Variants in FGF14 observed in about 807,000 individuals in gnomAD.
FGF14 encodes fibroblast growth factor 14.
Under a neutral mutation model 25.5 loss-of-function variants are expected in FGF14, and 5 were observed. The ratio of observed to expected loss-of-function variants is 0.20; its 90% CI spans 0.10 to 0.41. FGF14 has a LOEUF of 0.41. FGF14 is among the 10% of genes least tolerant of loss of function. The pLI is 1.00. For missense variants in FGF14, 222 were observed against 320.1 expected, an observed-to-expected ratio of 0.69 and a Z score of 2.34; for synonymous variants, 138 against 118.3, an observed-to-expected ratio of 1.17 and a Z score of -1.08.
chr13:101,918,919 T>C (rs34363841), upstream of FGF14, among the ~76,000 whole-genome samples: 1 of 151,238 alleles, frequency 6.6e-6, no homozygotes, highest in East Asian at 1.9e-4. Context: ...ATGCTAGAGT[T>C]GTTTTGCTAG....
chr13:101,788,893 TATATATATATATATATAGAGAGAGAGAG>T (rs1234529683), intron 3 of FGF14, among the ~76,000 whole-genome samples: 1 of 48,152 alleles, frequency 2.1e-5, no homozygotes, highest in African/African-American at 6.1e-5. Context: ...TATATATATA[TATATATATATATATATAGAGAGAGAGAG>T]AGAGAGAGAG....
intron 1 of FGF14, among the ~76,000 whole-genome samples, chr13:102,169,655 T>G (rs1377661661): frequency 6.6e-6 from 1 of 152,082 alleles, no homozygotes; most frequent in Non-Finnish European, 1.5e-5. Context: ...GTTAAAGAAG[T>G]GGGGTTTTTT....
At chr13:102,036,876 T>C (rs750046687) in intron 1 of FGF14, among the ~76,000 whole-genome samples, 14 of 152,202 alleles carry the variant, frequency 9.2e-5, no homozygotes, top group African/African-American at 2.4e-4. Flanking sequence ...TTTCCTCTTA[T>C]ATTTTAAAAT....
intron 1 of FGF14, chr13:102,368,028 G>A (rs936829749): frequency 1.3e-5 from 2 of 152,118 alleles, no homozygotes; most frequent in Non-Finnish European, 2.9e-5. Context: ...TGACCGCATC[G>A]TGGTGCTAAT....
rs981826536 is a variant in FGF14, at chr13:102,140,044, C to T, written c.208+261427G>A. Among the ~76,000 whole-genome samples the T allele has an allele frequency of 1.8e-3, 149 of 82,172 alleles. 2 individuals are homozygous for T. The South Asian group carries it at 0.021, about 11-fold the overall frequency. The allele number at this position is 82,172 out of a possible 152,430, so 53.9% of individuals were successfully genotyped here. The stretch of plus-strand genomic sequence containing the variant: ...CAGCTTTAGGTCAAACTCTTCAAGA[C>T]CCCCCCCCCCCCTTACAGCAGTAAG... On this transcript the variant is annotated intron_variant, in intron 1 of 4. Transcript: ENST00000376131.
At chr13:101,971,091 A>G (rs1223372279) in intron 1 of FGF14, among the ~76,000 whole-genome samples, 1 of 152,238 alleles carries the variant, frequency 6.6e-6, no homozygotes, top group Non-Finnish European at 1.5e-5. Flanking sequence ...ATGGGTGGAA[A>G]GTTCCCTTCA....
chr13:102,093,174 C>A (rs949385950), intron 1 of FGF14, among the ~76,000 whole-genome samples: 5 of 150,984 alleles, frequency 3.3e-5, no homozygotes, highest in Non-Finnish European at 7.4e-5. Context: ...GCAGAGAAAC[C>A]ATGTGGCTTA....
chr13:102,379,431 T>C (rs969309340), intron 1 of FGF14, among the ~76,000 whole-genome samples: 1 of 151,200 alleles, frequency 6.6e-6, no homozygotes, highest in Non-Finnish European at 1.5e-5. Flanking sequence ...CACACACACA[T>C]ATTTATATAT....
rs934143721 is a variant in FGF14 at position 101,713,622 on chromosome 13, G to A, written c.*9209C>T. The A allele has an allele frequency of 1.3e-5, 2 of 152,146 alleles. No individual in the cohort carries two copies. The highest frequency in any genetic ancestry group is 4.8e-5 in the African/African-American group (2 of 41,446). 9.4% of individuals were successfully genotyped at this position (152,146 alleles called of 1,614,324 possible). ...GGTTTTTAGTCTGTCATGGAAAGCT[G>A]TTTAGACTGAGAGAACTTCTGTCTT... On this transcript the variant is annotated 3_prime_UTR_variant, in exon 5 of 5. Transcript: ENST00000376143.
At position 102,161,727 on chromosome 13, in the gene FGF14, T is replaced by G. The variant is rs185721584; in HGVS notation, c.208+239744A>C. On this transcript the variant is annotated intron_variant, in intron 1 of 4. Transcript: ENST00000376131. ...AGAAGAAGAAGAAGAAGAAGAAGAA[T>G]AGAAATGTGTTTAAGAATTCCTCAA... 2.6e-3 allele frequency among the ~76,000 whole-genome samples: 369 copies of G among 142,474 alleles called. 10 individuals are homozygous for G. Among genetic ancestry groups the G allele is most frequent in the Middle Eastern group, 0.015 (4 of 272 alleles). The allele number at this position is 142,474 out of a possible 152,430, so 93.5% of individuals were successfully genotyped here.
intron 1 of FGF14, among the ~76,000 whole-genome samples, chr13:101,904,339 T>C (rs563397923): frequency 2.0e-5 from 3 of 152,150 alleles, no homozygotes; most frequent in South Asian, 4.2e-4. Flanking sequence ...CAGGTGAAAT[T>C]TGGGGTATTT....
chr13:102,140,614 T>C (rs535888379), intron 1 of FGF14, among the ~76,000 whole-genome samples: 3 of 152,282 alleles, frequency 2.0e-5, no homozygotes, highest in Non-Finnish European at 2.9e-5. Context: ...ATCCAAGGTA[T>C]TTAAAGAAAG....
intron 1 of FGF14, among the ~76,000 whole-genome samples, chr13:102,376,836 T>C (rs183487882): frequency 1.6e-4 from 25 of 152,304 alleles, no homozygotes; most frequent in South Asian, 2.1e-4. Flanking sequence ...TCTGAGCACA[T>C]TGGAATTCCA....
At chr13:101,783,468 C>CAA (rs397722208) in intron 3 of FGF14, among the ~76,000 whole-genome samples, 337 of 135,772 alleles carry the variant, frequency 2.5e-3, no homozygotes, top group African/African-American at 6.2e-3. Flanking sequence ...GACTCTGTCT[C>CAA]AAAAAAAAAA....
chr13:102,213,080 GA>G (rs2140928267), intron 1 of FGF14, among the ~76,000 whole-genome samples: 1 of 152,240 alleles, frequency 6.6e-6, no homozygotes, highest in East Asian at 1.9e-4. Flanking sequence ...AGATTTCTTC[GA>G]AAACAGCTCT....
At chr13:101,988,554 T>A (rs1396569227) in intron 1 of FGF14, among the ~76,000 whole-genome samples, 1 of 151,946 alleles carries the variant, frequency 6.6e-6, no homozygotes, top group Non-Finnish European at 1.5e-5. Flanking sequence ...ATGTTCTTTG[T>A]AGGGACATGG....
intron 1 of FGF14, among the ~76,000 whole-genome samples, chr13:102,158,560 A>G (rs1425857319): frequency 1.3e-5 from 2 of 151,696 alleles, no homozygotes; most frequent in South Asian, 2.1e-4. Flanking sequence ...TAGGAGATAT[A>G]CCTAATGTTA....
chr13:101,880,386 G>A (rs2045635939), intron 1 of FGF14, among the ~76,000 whole-genome samples: 1 of 152,050 alleles, frequency 6.6e-6, no homozygotes, highest in Non-Finnish European at 1.5e-5. Context: ...TGACCAACAT[G>A]GAGAAACCCC....
chr13:102,046,611 T>C (rs2041995594), intron 1 of FGF14, among the ~76,000 whole-genome samples: 2 of 152,272 alleles, frequency 1.3e-5, no homozygotes, highest in South Asian at 4.1e-4. Flanking sequence ...TGTTCCTACC[T>C]CAAATGACAC....
Sources: gnomAD v4.1 joint callset for allele counts (sites outside exome capture counted in the v4.1 genomes callset) on GRCh38, gnomAD v4.1.1 for gene constraint, MANE v1.5 for transcripts, NCBI Gene and HGNC (gene_info 2026-07-23, HGNC 2026-07-21) for gene names.